The following ASIC2 variants were observed in gnomAD, a reference collection of about 807,000 sequenced individuals.
ASIC2 encodes acid sensing ion channel subunit 2.
Under a neutral mutation model 57.3 loss-of-function variants are expected in ASIC2, and 25 were observed. The ratio of observed to expected loss-of-function variants is 0.44; its 90% confidence interval spans 0.32 to 0.61. The LOEUF is 0.61. Ranked by LOEUF, ASIC2 falls within the 20% of genes least tolerant of loss-of-function variation. The pLI, the probability that ASIC2 is intolerant of heterozygous loss-of-function variation, is 0.06. For synonymous variants in ASIC2, 319 were observed against 307.5 expected (o/e 1.04, Z -0.39); for missense variants, 641 against 738.1 (o/e 0.87, Z 1.52).
At chr17:33,815,291 C>T (rs1000915374) in intron 1 of ASIC2, among the ~76,000 whole-genome samples, 1 of 152,206 alleles carries the variant, frequency 6.6e-6, no homozygotes, top group African/African-American at 2.4e-5. Flanking sequence ...CTTGTGGAGT[C>T]TACCCACTGG....
chr17:33,854,570 G>T (rs191211071), intron 1 of ASIC2, among the ~76,000 whole-genome samples: 3 of 152,296 alleles, frequency 2.0e-5, no homozygotes, highest in Admixed American at 2.0e-4. Context: ...TACTGCCCCA[G>T]GATTCCCTCA....
chr17:33,683,216 C>T (rs1003159439), intron 1 of ASIC2, among the ~76,000 whole-genome samples: 12 of 152,020 alleles, frequency 7.9e-5, no homozygotes, highest in African/African-American at 2.2e-4. Flanking sequence ...TACAGGTGCC[C>T]GCCACCACGC....
At chr17:33,153,972 C>G (rs144076617) in intron 1 of ASIC2, among the ~76,000 whole-genome samples, 1 of 152,298 alleles carries the variant, frequency 6.6e-6, no homozygotes, top group East Asian at 1.9e-4. Context: ...TCTCCCCACT[C>G]TGCTTATCCT....
intron 1 of ASIC2, among the ~76,000 whole-genome samples, chr17:33,200,006 C>T (rs1055692262): frequency 6.6e-6 from 1 of 152,148 alleles, no homozygotes; most frequent in African/African-American, 2.4e-5. Flanking sequence ...GTCCCATGCT[C>T]TGTCCCAGCT....
chr17:33,640,209 A>G (rs1906514068), intron 1 of ASIC2, among the ~76,000 whole-genome samples: 1 of 152,046 alleles, frequency 6.6e-6, no homozygotes, highest in Non-Finnish European at 1.5e-5. Flanking sequence ...AGAGGCGGGA[A>G]AGAGAGAGAG....
intron 1 of ASIC2, among the ~76,000 whole-genome samples, chr17:33,345,616 A>G (rs1248668743): frequency 6.6e-6 from 1 of 152,230 alleles, no homozygotes; most frequent in Non-Finnish European, 1.5e-5. Flanking sequence ...TGTGAGGTGG[A>G]AAGAGGTTTA....
chr17:33,684,422 T>A (rs1384060210), intron 1 of ASIC2, among the ~76,000 whole-genome samples: 1 of 149,494 alleles, frequency 6.7e-6, no homozygotes, highest in Non-Finnish European at 1.5e-5. Context: ...AGCAGCTAGA[T>A]ATTAAGGTTC....
intron 1 of ASIC2, among the ~76,000 whole-genome samples, chr17:33,895,338 T>G (rs1463478294): frequency 6.6e-6 from 1 of 152,010 alleles, no homozygotes; most frequent in Non-Finnish European, 1.5e-5. Flanking sequence ...AATTTTTGTG[T>G]TTTTAGTAGA....
At chr17:33,966,027 T>C (rs1267115000) in intron 1 of ASIC2, among the ~76,000 whole-genome samples, 1 of 152,230 alleles carries the variant, frequency 6.6e-6, no homozygotes, top group Non-Finnish European at 1.5e-5. Flanking sequence ...ATGCAGGCTC[T>C]GCATAGAGAA....
At chr17:33,210,401 GACATTTGCAAGTTATCTA>G (rs1391631298) in intron 1 of ASIC2, among the ~76,000 whole-genome samples, 1 of 152,114 alleles carries the variant, frequency 6.6e-6, no homozygotes, top group East Asian at 1.9e-4. Flanking sequence ...CATCACATCT[GACATTTGCAAGTTATCTA>G]TGATGTCTGC....
At position 33,978,348 on chromosome 17, in the gene ASIC2, G is replaced by A. The variant is rs186573297; in HGVS notation, c.555+177630C>T. Among the ~76,000 whole-genome samples, 79 of 152,280 alleles carry A rather than the reference G, an allele frequency of 5.2e-4. No individual in the cohort carries two copies. The East Asian group carries it at 0.015, about 28-fold the overall frequency. On this transcript the variant is annotated intron_variant, in intron 1 of 9. Transcript: ENST00000359872. ...GCAGGGATCCTCTCACACTGCAGTC[G>A]AGTCAAGGCAGTCCAGGGTGGCTGC...
Position 33,726,645 on chromosome 17 carries a change from T to C in ASIC2, c.555+429333A>G, listed in dbSNP as rs183084374. On this transcript the variant is annotated intron_variant, in intron 1 of 9. Coordinates refer to the ASIC2 transcript ENST00000359872. ...TCCTCAAGATTCCTCTCAAAATATC[T>C]GTTCCTTCTCCCTCAGCTGAAAAAC... Among the ~76,000 whole-genome samples the C allele has an allele frequency of 1.3e-4, 20 of 152,322 alleles. No homozygotes were observed. The East Asian group carries it at 3.7e-3, about 28-fold the overall frequency.
intron 1 of ASIC2, among the ~76,000 whole-genome samples, chr17:33,217,722 G>A (rs1194443006): frequency 6.6e-6 from 1 of 152,190 alleles, no homozygotes; most frequent in Non-Finnish European, 1.5e-5. Flanking sequence ...TGAACTTCAG[G>A]TTTCTTCTCT....
intron 1 of ASIC2, among the ~76,000 whole-genome samples, chr17:33,476,229 C>T (rs1913214570): frequency 6.6e-6 from 1 of 152,098 alleles, no homozygotes; most frequent in Admixed American, 6.5e-5. Context: ...TCCCAGAGAC[C>T]TTAGGAATAC....
At chr17:33,388,584 T>C (rs7225320) in intron 1 of ASIC2, among the ~76,000 whole-genome samples, 48,929 of 152,100 alleles carry the variant, frequency 0.32, 9,612 homozygotes, top group Non-Finnish European at 0.44. Flanking sequence ...TACAGACTTT[T>C]ATCAGCAGTG....
intron 1 of ASIC2, among the ~76,000 whole-genome samples, chr17:33,416,773 G>A (rs187456712): frequency 1.2e-3 from 190 of 152,318 alleles, no homozygotes; most frequent in African/African-American, 4.2e-3. Flanking sequence ...TTGATGACCC[G>A]AGTGGAATAA....
At chr17:33,145,044 G>A (rs148556685) in intron 1 of ASIC2, among the ~76,000 whole-genome samples, 11 of 152,352 alleles carry the variant, frequency 7.2e-5, no homozygotes, top group African/African-American at 2.4e-4. Flanking sequence ...GTAGACTGGA[G>A]TTGCATTTCA....
At chr17:34,126,025 A>G (rs1222197088) in intron 1 of ASIC2, among the ~76,000 whole-genome samples, 1 of 152,172 alleles carries the variant, frequency 6.6e-6, no homozygotes, top group Non-Finnish European at 1.5e-5. Flanking sequence ...CTTTCTGCTC[A>G]ATGAAGTGTG....
intron 1 of ASIC2, among the ~76,000 whole-genome samples, chr17:34,032,164 T>C (rs1276292749): frequency 1.3e-5 from 2 of 152,224 alleles, no homozygotes; most frequent in Non-Finnish European, 2.9e-5. Context: ...AGCTGATCTC[T>C]TGGCAGAAAC....
Sources: allele counts gnomAD v4.1 joint callset (sites outside exome capture counted in the v4.1 genomes callset), GRCh38; gene constraint gnomAD v4.1.1; transcripts MANE v1.5; gene names NCBI Gene and HGNC (gene_info 2026-07-23, HGNC 2026-07-21).